The following RAD54B variants were observed in gnomAD, a reference collection of about 807,000 sequenced individuals.
RAD54B encodes the protein DNA repair and recombination protein RAD54B.
Under a neutral mutation model 95.8 loss-of-function variants are expected in RAD54B, and 78 were observed. That is an observed-to-expected ratio of 0.81 (90% CI 0.68 to 0.98). RAD54B has a LOEUF of 0.98. Ranked by LOEUF, RAD54B falls within the 50% of genes least tolerant of loss-of-function variation. The pLI is 0.00. For missense variants in RAD54B, 957 were observed against 1,056.6 expected (o/e 0.91, Z 1.31); for synonymous variants, 328 against 354.9 (o/e 0.92, Z 0.85).
chr8:94,440,985 G>C (rs1168531667), intron 3 of RAD54B, among the ~76,000 whole-genome samples: 1 of 152,198 alleles, frequency 6.6e-6, no homozygotes, highest in Admixed American at 6.5e-5. Context: ...AAACCTAGTA[G>C]TTAAAAATTA....
intron 3 of RAD54B, among the ~76,000 whole-genome samples, chr8:94,457,648 G>A (rs762795768): frequency 1.3e-5 from 2 of 152,150 alleles, no homozygotes; most frequent in African/African-American, 4.8e-5. Flanking sequence ...ACCAAAACAT[G>A]AATAAAATGT....
intron 2 of RAD54B, among the ~76,000 whole-genome samples, chr8:94,467,124 C>T (rs576894754): frequency 9.9e-5 from 15 of 152,066 alleles, no homozygotes; most frequent in Non-Finnish European, 2.1e-4. Flanking sequence ...GACAGGGTCT[C>T]ACTATGTTAC....
chr8:94,450,530 C>T (rs535882144), intron 3 of RAD54B, among the ~76,000 whole-genome samples: 13 of 152,166 alleles, frequency 8.5e-5, no homozygotes, highest in Non-Finnish European at 1.6e-4. Flanking sequence ...GAAGTTTTAT[C>T]ATGTCATAGT....
chr8:94,436,887 T>TA, intron 3 of RAD54B: 1 of 1,492,618 alleles, frequency 6.7e-7, no homozygotes, highest in Non-Finnish European at 8.9e-7. Context: ...TCAAATTAAG[T>TA]AGGCAGTTTC....
At chr8:94,465,193 C>T (rs1812994710) in intron 2 of RAD54B, among the ~76,000 whole-genome samples, 1 of 152,038 alleles carries the variant, frequency 6.6e-6, no homozygotes, top group Non-Finnish European at 1.5e-5. Context: ...ATGTTTTCTC[C>T]TTACAGTGTG....
At chr8:94,418,903 T>A (rs974713317) in intron 3 of RAD54B, among the ~76,000 whole-genome samples, 1 of 152,220 alleles carries the variant, frequency 6.6e-6, no homozygotes, top group Non-Finnish European at 1.5e-5. Flanking sequence ...TGTGAATTCA[T>A]CTTTATCAAT....
chr8:94,463,497 T>C (rs1016020955), intron 2 of RAD54B, among the ~76,000 whole-genome samples: 1 of 152,070 alleles, frequency 6.6e-6, no homozygotes, highest in African/African-American at 2.4e-5. Context: ...AGCAGTCAGC[T>C]TGGAAAAGAG....
chr8:94,459,585 C>T (rs1370061641), intron 2 of RAD54B, among the ~76,000 whole-genome samples: 4 of 152,114 alleles, frequency 2.6e-5, no homozygotes, highest in South Asian at 2.1e-4. Flanking sequence ...AGAGGCCGGG[C>T]GCAGTGGCTC....
rs115899389 is a variant in RAD54B, at chr8:94,458,300, G to C, written c.272C>G (p.Pro91Arg). 1.2e-6 allele frequency: 2 copies of C among 1,608,822 alleles called. No homozygotes were observed. Among genetic ancestry groups the C allele is most frequent in the East Asian group, 2.2e-5 (1 of 44,576 alleles). The part of the protein sequence containing the change: ...NCSGKYCFEA[P>R]TLATLDPPHT... ...AGGTGGATCTAATGTTGCCAGTGTA[G>C]GTGCTTCAAAACAATATTTTCCACT... Residue 91 changes from proline to arginine, a missense_variant, in exon 3 of 15, where the codon CCT becomes CGT. Physicochemically the swap from Pro to Arg is moderately radical, Grantham distance 103 (BLOSUM62 -2). Coordinates refer to ENST00000336148, the MANE Select transcript of RAD54B (RefSeq NM_012415.3).
chr8:94,449,776 T>C (rs1812612293), intron 3 of RAD54B, among the ~76,000 whole-genome samples: 1 of 152,138 alleles, frequency 6.6e-6, no homozygotes, highest in South Asian at 2.1e-4. Flanking sequence ...CAGGACCTTT[T>C]TTAGTACCTT....
intron 14 of RAD54B, among the ~76,000 whole-genome samples, chr8:94,373,583 C>T (rs1021612575): frequency 2.0e-5 from 3 of 152,190 alleles, no homozygotes; most frequent in East Asian, 1.9e-4. Flanking sequence ...CCCTGGATCA[C>T]GAAATTACCT....
chr8:94,470,528 G>A (rs1813144120), intron 1 of RAD54B, among the ~76,000 whole-genome samples: 2 of 152,052 alleles, frequency 1.3e-5, no homozygotes. Flanking sequence ...CCGGGAGGCA[G>A]AGGTTGTGGT....
chr8:94,470,630 C>G (rs374323855), intron 1 of RAD54B, among the ~76,000 whole-genome samples: 25 of 149,324 alleles, frequency 1.7e-4, no homozygotes, highest in African/African-American at 5.9e-4. Context: ...TGGTGGTACA[C>G]GCCTGTAATC....
At chr8:94,374,924 A>G (rs1466001237) in intron 14 of RAD54B, among the ~76,000 whole-genome samples, 1 of 152,218 alleles carries the variant, frequency 6.6e-6, no homozygotes, top group Admixed American at 6.5e-5. Context: ...AACTTAGGAA[A>G]ATGCTCAACT....
At chr8:94,468,186 G>A (rs1045767091) in intron 1 of RAD54B, among the ~76,000 whole-genome samples, 1 of 152,100 alleles carries the variant, frequency 6.6e-6, no homozygotes, top group Admixed American at 6.5e-5. Flanking sequence ...ATGATGCATT[G>A]ATTTATGACT....
intron 3 of RAD54B, among the ~76,000 whole-genome samples, chr8:94,425,047 G>A (rs1349203340): frequency 8.4e-6 from 1 of 119,188 alleles, no homozygotes; most frequent in Non-Finnish European, 1.6e-5. Flanking sequence ...GGGTGACAGA[G>A]CGAGACCCCA....
At chr8:94,409,924 C>T (rs1257792480) in intron 4 of RAD54B, among the ~76,000 whole-genome samples, 2 of 152,166 alleles carry the variant, frequency 1.3e-5, no homozygotes, top group South Asian at 2.1e-4. Context: ...TAGCCCCAAT[C>T]GACCTTAACC....
At chr8:94,452,287 G>T (rs1000410842) in intron 3 of RAD54B, among the ~76,000 whole-genome samples, 3 of 152,136 alleles carry the variant, frequency 2.0e-5, no homozygotes, top group African/African-American at 7.2e-5. Context: ...CCATAGCATT[G>T]TATCAGTGTT....
intron 14 of RAD54B, 75 bp downstream of exon 14, chr8:94,378,105 C>A (rs1476411426): frequency 1.8e-6 from 2 of 1,124,768 alleles, no homozygotes; most frequent in Non-Finnish European, 1.2e-6. Context: ...TAAAGTTATT[C>A]TTTAAATATT....
Sources: gnomAD v4.1 joint callset for allele counts (sites outside exome capture counted in the v4.1 genomes callset) on GRCh38, gnomAD v4.1.1 for gene constraint, MANE v1.5 for transcripts, NCBI Gene and HGNC (gene_info 2026-07-23, HGNC 2026-07-21) for gene names.